Variants in ADNP observed in about 807,000 individuals in gnomAD.
ADNP encodes the protein activity-dependent neuroprotector homeobox protein.
A neutral mutation model predicts 84.9 loss-of-function variants in ADNP; 4 were observed. That is an observed-to-expected ratio of 0.05 (90% CI 0.02 to 0.11). ADNP has a LOEUF of 0.11. Among genes scored for constraint, ADNP ranks in the 10% least tolerant of loss-of-function variants. The pLI is 1.00. For synonymous variants in ADNP, 554 were observed against 468.1 expected, an observed-to-expected ratio of 1.18 and a Z score of -2.37; for missense variants, 1,132 against 1,326.0, an observed-to-expected ratio of 0.85 and a Z score of 2.27.
In ADNP at chr20:50,889,941, C is replaced by T. The variant is rs770876855; in HGVS notation, c.*1464G>A. 4.1e-5 allele frequency: 16 copies of T among 391,680 alleles called. No homozygotes were observed. Among genetic ancestry groups the T allele is most frequent in the Non-Finnish European group, 6.2e-5 (14 of 225,458 alleles). The allele number at this position is 391,680 out of a possible 1,614,324, so 24.3% of individuals were successfully genotyped here. ...AGTTGTTCCCATCGTAAGGTGAAAA[C>T]GAACGTTTAACTTCATCTAGAAGAA... On this transcript the variant is annotated 3_prime_UTR_variant, in exon 6 of 6. Coordinates refer to ENST00000621696, the MANE Select transcript of ADNP (RefSeq NM_001282531.3).
chr20:50,917,546 T>C (rs928536490), intron 2 of ADNP, among the ~76,000 whole-genome samples: 2 of 152,226 alleles, frequency 1.3e-5, no homozygotes, highest in Non-Finnish European at 2.9e-5. Flanking sequence ...ATGTCTCCCC[T>C]TTATTATCTT....
intron 4 of ADNP, among the ~76,000 whole-genome samples, 177 bp from the exon 5 acceptor site, chr20:50,902,286 A>G (rs141886575): frequency 6.2e-4 from 95 of 152,352 alleles, no homozygotes; most frequent in African/African-American, 2.2e-3. Context: ...TGGAAGTTGC[A>G]GTCTACATTT....
intron 2 of ADNP, among the ~76,000 whole-genome samples, chr20:50,911,463 C>A (rs1269483115): frequency 6.6e-6 from 1 of 151,770 alleles, no homozygotes; most frequent in African/African-American, 2.4e-5. Context: ...TGTCCTTGTA[C>A]ATTATTTGGG....
At chr20:50,922,396 A>C (rs1600992810) in intron 2 of ADNP, among the ~76,000 whole-genome samples, 1 of 152,218 alleles carries the variant, frequency 6.6e-6, no homozygotes, top group South Asian at 2.1e-4. Context: ...CCCCTCCTTG[A>C]GTTCTATTAA....
Position 50,893,811 on chromosome 20 carries a change from C to T in ADNP, c.903G>A (p.Gln301=). The part of the protein sequence containing the change: ...ASGNVRSLPS[Q]QMVNRLSIPK... ...GTATTGAGAGTCGATTCACCATCTG[C>T]TGTGATGGTAAAGACCGGACATTTC... Residue 301 remains glutamine (Q), a synonymous_variant, in exon 6 of 6, where the codon CAG becomes CAA. Coordinates refer to ENST00000621696, the MANE Select transcript of ADNP (RefSeq NM_001282531.3). The surrounding 1 kb of genome is among the most constrained non-coding windows in gnomAD (Gnocchi z 4.4). The T allele has an allele frequency of 1.2e-6, 2 of 1,614,188 alleles. No individual in the cohort carries two copies. Among genetic ancestry groups the T allele is most frequent in the Non-Finnish European group, 1.7e-6 (2 of 1,180,028 alleles).
At position 50,891,350 on chromosome 20, in the gene ADNP, C is replaced by G; in HGVS notation, c.*55G>C. On this transcript the variant is annotated 3_prime_UTR_variant, in exon 6 of 6. Coordinates refer to ENST00000621696, the MANE Select transcript of ADNP (RefSeq NM_001282531.3). Reference sequence around the variant, plus strand: ...GTGAGAAGACAGCTTTGCAGTCACACTGGATATCAGAGTTCCAGGCTGCAG... The same window carrying G: ...GTGAGAAGACAGCTTTGCAGTCACAGTGGATATCAGAGTTCCAGGCTGCAG... The G allele has an allele frequency of 6.6e-7, 1 of 1,512,182 alleles. No individual in the cohort carries two copies. The highest frequency in any genetic ancestry group is 1.3e-5 in the South Asian group (1 of 75,978). The allele number at this position is 1,512,182 out of a possible 1,614,324, so 93.7% of individuals were successfully genotyped here.
Position 50,893,442 on chromosome 20 carries a change from G to A in ADNP, c.1272C>T (p.Ser424=). The A allele has an allele frequency of 6.2e-7, 1 of 1,614,092 alleles. No individual in the cohort carries two copies. The highest frequency in any genetic ancestry group is 8.5e-7 in the Non-Finnish European group (1 of 1,180,034). Residue 424 remains serine, a synonymous_variant, in exon 6 of 6, where the codon TCC becomes TCT. Transcript: ENST00000621696. The surrounding 1 kb of genome is among the most constrained non-coding windows in gnomAD (Gnocchi z 4.4). The stretch of plus-strand genomic sequence containing the variant: ...TGGCAGCTGCAGCAGGTTTGGAACT[G>A]GACTGACCTAACACTCTGGATGCCT... ...QSQASRVLGQ[S]SSKPAAAATG...
At position 50,917,737 on chromosome 20, in the gene ADNP, C is replaced by T. The variant is rs150014233; in HGVS notation, c.-90+10914G>A. Reference sequence around the variant, plus strand: ...TACATAAGCAATTGGGAAGCGGGAACACAGGACCACACATAAACTCGTGTA... The same window carrying T: ...TACATAAGCAATTGGGAAGCGGGAATACAGGACCACACATAAACTCGTGTA... On this transcript the variant is annotated intron_variant, in intron 2 of 5. Coordinates refer to ENST00000621696, the MANE Select transcript of ADNP (RefSeq NM_001282531.3). Among the ~76,000 whole-genome samples the T allele has an allele frequency of 5.4e-3, 828 of 152,254 alleles. 5 individuals are homozygous for T. Among genetic ancestry groups the T allele is most frequent in the Admixed American group, 0.01 (160 of 15,290 alleles).
At chr20:50,894,639 AATCC>A in intron 5 of ADNP, 127 bp from the exon 6 acceptor site, 1 of 1,028,138 alleles carries the variant, frequency 9.7e-7, no homozygotes, top group Non-Finnish European at 1.4e-6. Flanking sequence ...TCACGCCTGT[AATCC>A]CAGCACTTTG....
intron 5 of ADNP, among the ~76,000 whole-genome samples, chr20:50,900,443 C>G (rs1981855792): frequency 6.6e-6 from 1 of 152,196 alleles, no homozygotes; most frequent in African/African-American, 2.4e-5. Flanking sequence ...TTAAGCAATG[C>G]ACGACGGTAT....
rs186044985 is a variant in ADNP, at chr20:50,925,556, C to G, written c.-90+3095G>C. On this transcript the variant is annotated intron_variant, in intron 2 of 5. Coordinates refer to ENST00000621696, the MANE Select transcript of ADNP (RefSeq NM_001282531.3). The stretch of plus-strand genomic sequence containing the variant: ...AAAACCATGAAATCACAATGGCCAC[C>G]CACAATGGGCAAAGCATGGACGGTT... Among the ~76,000 whole-genome samples, 5 of 152,232 alleles carry G rather than the reference C, an allele frequency of 3.3e-5. No homozygotes were observed. In the South Asian group the frequency reaches 8.3e-4, roughly 25 times the overall value.
chr20:50,913,071 C>T (rs537017054), intron 2 of ADNP, among the ~76,000 whole-genome samples: 13 of 151,402 alleles, frequency 8.6e-5, no homozygotes, highest in Admixed American at 4.6e-4. Flanking sequence ...GCCAACATGG[C>T]GAAACCCCAT....
chr20:50,900,039 T>C lies in ADNP; in HGVS notation c.201+1978A>G, dbSNP rs183762198. Among the ~76,000 whole-genome samples the C allele has an allele frequency of 1.7e-4, 26 of 152,312 alleles. No homozygotes were observed. In the East Asian group the frequency reaches 4.0e-3, roughly 24 times the overall value. The stretch of plus-strand genomic sequence containing the variant: ...GAATTTTAAAGTTTTACTTTTTATG[T>C]AGCCTAAGTGTGTTTATAAAGTCTA... On this transcript the variant is annotated intron_variant, in intron 5 of 5. Transcript: ENST00000621696.
rs756595568 is a variant in ADNP, at chr20:50,892,564, C to T, written c.2150G>A (p.Arg717His). 3.0e-5 allele frequency: 48 copies of T among 1,614,038 alleles called. No homozygotes were observed. The highest frequency in any genetic ancestry group is 6.7e-5 in the Admixed American group (4 of 60,002). The part of the protein sequence containing the change: ...NQSPSLAPVK[R>H]TYEQMEFPLL... ...GGGAAATTCCATTTGCTCGTAAGTG[C>T]GCTTCACAGGTGCCAGACTTGGAGA... Residue 717 changes from arginine to histidine, a missense_variant, in exon 6 of 6, where the codon CGC (arginine) becomes CAC (histidine). Physicochemically the swap from Arg to His is conservative, Grantham distance 29. Coordinates refer to ENST00000621696, the MANE Select transcript of ADNP (RefSeq NM_001282531.3).
At chr20:50,906,609 A>C (rs2122861055) in intron 2 of ADNP, among the ~76,000 whole-genome samples, 1 of 152,350 alleles carries the variant, frequency 6.6e-6, no homozygotes, top group South Asian at 2.1e-4. Flanking sequence ...CATAAAAAAG[A>C]ATCAAGCGGC....
intron 1 of ADNP, among the ~76,000 whole-genome samples, chr20:50,930,567 C>T (rs1358246804): frequency 6.6e-6 from 1 of 151,958 alleles, no homozygotes; most frequent in African/African-American, 2.4e-5. Context: ...TCGGTGGGCT[C>T]ACAGGGCGGA....
intron 5 of ADNP, among the ~76,000 whole-genome samples, chr20:50,901,324 A>T: frequency 8.7e-6 from 1 of 114,398 alleles, no homozygotes; most frequent in Non-Finnish European, 1.8e-5. Flanking sequence ...GGGTATTTAA[A>T]AAAAAAAAAA....
chr20:50,891,081 A>C lies in ADNP; in HGVS notation c.*324T>G. 8.9e-7 allele frequency: 1 copy of C among 1,120,340 alleles called. No individual in the cohort carries two copies. The highest frequency in any genetic ancestry group is 1.1e-6 in the Non-Finnish European group (1 of 916,868). The allele number at this position is 1,120,340 out of a possible 1,614,324, so 69.4% of individuals were successfully genotyped here. On this transcript the variant is annotated 3_prime_UTR_variant, in exon 6 of 6. Transcript: ENST00000621696. ...TGAATTAGTTTAACACTTCTCAAAG[A>C]CATCTGACCAATCATTTCACAGAGG...
intron 5 of ADNP, among the ~76,000 whole-genome samples, chr20:50,896,084 A>G (rs6067586): frequency 0.99 from 149,992 of 152,062 alleles, 73,992 homozygotes; most frequent in East Asian, 1. Context: ...AAATAGCTGC[A>G]CATGGTGGCA....
Sources: gnomAD v4.1 joint callset for allele counts (sites outside exome capture counted in the v4.1 genomes callset) on GRCh38, gnomAD v4.1.1 for gene constraint, Gnocchi (gnomAD v3.1) non-coding constraint, MANE v1.5 for transcripts, NCBI Gene and HGNC (gene_info 2026-07-23, HGNC 2026-07-21) for gene names.